The following MACROD2 variants were observed in gnomAD, a reference collection of about 807,000 sequenced individuals.
MACROD2 encodes the protein mono-ADP ribosylhydrolase 2, also known as ADP-ribose glycohydrolase MACROD2.
Under a neutral mutation model 70.4 loss-of-function variants are expected in MACROD2, and 36 were observed. The ratio of observed to expected loss-of-function variants is 0.51; its 90% confidence interval spans 0.39 to 0.68. MACROD2 has a LOEUF of 0.68. Ranked by LOEUF, MACROD2 falls within the 30% of genes least tolerant of loss-of-function variation. MACROD2 has a pLI of 0.00. For missense variants in MACROD2, 496 were observed against 538.4 expected (o/e 0.92, Z 0.78); for synonymous variants, 172 against 178.8 (o/e 0.96, Z 0.30).
rs73258849 is a variant in MACROD2, at chr20:15,163,460, T to G, written c.419-66480T>G. On this transcript the variant is annotated intron_variant, in intron 5 of 17. Transcript: ENST00000684519. ...GATTTAGAAATAGCATTCTCACTAATTAAGAGGTAAATCTAATACAACAAA... is the reference window on the plus strand; with the variant it reads ...GATTTAGAAATAGCATTCTCACTAAGTAAGAGGTAAATCTAATACAACAAA... Among the ~76,000 whole-genome samples the G allele has an allele frequency of 1.6e-3, 247 of 152,138 alleles. 1 individual carries two copies. The highest frequency in any genetic ancestry group is 5.6e-3 in the African/African-American group (233 of 41,580).
At chr20:15,621,071 G>A (rs1600677508) in intron 8 of MACROD2, among the ~76,000 whole-genome samples, 1 of 152,242 alleles carries the variant, frequency 6.6e-6, no homozygotes, top group Non-Finnish European at 1.5e-5. Context: ...TGGGTCACAG[G>A]CAGTTCCTGA....
At chr20:15,894,266 G>A (rs1177437310) in intron 10 of MACROD2, among the ~76,000 whole-genome samples, 1 of 152,192 alleles carries the variant, frequency 6.6e-6, no homozygotes, top group Non-Finnish European at 1.5e-5. Context: ...AGAACCAATC[G>A]AGAAGCCAAA....
intron 5 of MACROD2, among the ~76,000 whole-genome samples, chr20:15,084,127 G>A (rs536429048): frequency 4.1e-5 from 6 of 147,242 alleles, no homozygotes; most frequent in South Asian, 2.1e-4. Context: ...GTGCAGTGGC[G>A]CGATCTGGAC....
intron 8 of MACROD2, among the ~76,000 whole-genome samples, chr20:15,730,094 T>C (rs1057474882): frequency 6.6e-6 from 1 of 152,062 alleles, no homozygotes; most frequent in African/African-American, 2.4e-5. Context: ...TCCCAAAGTG[T>C]TGGGATTACA....
At chr20:15,497,314 A>T (rs1305283899) in intron 7 of MACROD2, among the ~76,000 whole-genome samples, 1 of 151,334 alleles carries the variant, frequency 6.6e-6, no homozygotes, top group Non-Finnish European at 1.5e-5. Flanking sequence ...TTTTTTTGAG[A>T]CAGAGTCTTG....
chr20:15,350,004 C>G (rs1422211448), intron 6 of MACROD2, among the ~76,000 whole-genome samples: 1 of 152,098 alleles, frequency 6.6e-6, no homozygotes, highest in Non-Finnish European at 1.5e-5. Flanking sequence ...AAAACTGGGA[C>G]CTCCTTGTCC....
intron 3 of MACROD2, among the ~76,000 whole-genome samples, chr20:14,097,319 A>G (rs2054241364): frequency 6.6e-6 from 1 of 152,206 alleles, no homozygotes. Flanking sequence ...TTTTACTTGT[A>G]CTGTGCCACA....
chr20:15,503,991 T>C (rs2047395554), intron 8 of MACROD2, among the ~76,000 whole-genome samples: 1 of 152,252 alleles, frequency 6.6e-6, no homozygotes, highest in Non-Finnish European at 1.5e-5. Context: ...TAATTGAGGC[T>C]GTCATATAAT....
chr20:15,202,053 A>G (rs970772850), intron 5 of MACROD2, among the ~76,000 whole-genome samples: 9 of 152,210 alleles, frequency 5.9e-5, no homozygotes, highest in Non-Finnish European at 1.0e-4. Flanking sequence ...GAACCTGAAT[A>G]TCACTCAAAG....
intron 7 of MACROD2, among the ~76,000 whole-genome samples, chr20:15,456,927 C>T (rs564461611): frequency 2.0e-4 from 31 of 152,082 alleles, no homozygotes; most frequent in African/African-American, 7.2e-4. Context: ...GTTTTATCTG[C>T]AGGCCTCACT....
intron 8 of MACROD2, among the ~76,000 whole-genome samples, chr20:15,652,672 G>A (rs2049663057): frequency 6.6e-6 from 1 of 151,694 alleles, no homozygotes; most frequent in Non-Finnish European, 1.5e-5. Flanking sequence ...AGTGCTAAAA[G>A]TGTGAATGCC....
intron 5 of MACROD2, among the ~76,000 whole-genome samples, chr20:15,144,118 A>G (rs2076213249): frequency 6.6e-6 from 1 of 152,092 alleles, no homozygotes; most frequent in South Asian, 2.1e-4. Context: ...AAATACTACA[A>G]TTCATGTATA....
chr20:14,742,754 C>G (rs1345832847), intron 5 of MACROD2, among the ~76,000 whole-genome samples: 1 of 150,300 alleles, frequency 6.7e-6, no homozygotes, highest in Non-Finnish European at 1.5e-5. Flanking sequence ...GTAATATAAA[C>G]TTTATTTTAT....
At chr20:15,083,324 GACAC>G (rs1249629025) in intron 5 of MACROD2, among the ~76,000 whole-genome samples, 2 of 152,122 alleles carry the variant, frequency 1.3e-5, no homozygotes. Flanking sequence ...TAACCAAGCA[GACAC>G]ACACCCTATT....
At chr20:14,497,070 T>TTTCTC (rs2084861351) in intron 4 of MACROD2, among the ~76,000 whole-genome samples, 1 of 151,700 alleles carries the variant, frequency 6.6e-6, no homozygotes, top group Non-Finnish European at 1.5e-5. Context: ...CTCTCCAGGT[T>TTTCTC]TGCTTTTCTA....
At chr20:14,123,620 C>T (rs938141598) in intron 3 of MACROD2, among the ~76,000 whole-genome samples, 1 of 152,132 alleles carries the variant, frequency 6.6e-6, no homozygotes, top group Non-Finnish European at 1.5e-5. Flanking sequence ...AAATAGTGGG[C>T]TTTAGAAAAT....
At chr20:14,981,835 G>C (rs1416330967) in intron 5 of MACROD2, among the ~76,000 whole-genome samples, 4 of 152,088 alleles carry the variant, frequency 2.6e-5, no homozygotes, top group Admixed American at 6.5e-5. Flanking sequence ...GACTAATGCA[G>C]TAAACTGGTA....
Position 15,006,789 on chromosome 20 carries a change from C to T in MACROD2, c.419-223151C>T, listed in dbSNP as rs143409007. Among the ~76,000 whole-genome samples the T allele has an allele frequency of 6.4e-4, 98 of 152,260 alleles. No individual in the cohort carries two copies. The Middle Eastern group carries it at 0.01, about 16-fold the overall frequency. On this transcript the variant is annotated intron_variant, in intron 5 of 17. Transcript: ENST00000684519. Reference sequence around the variant, plus strand: ...TACAATGTCTGCTGTTGGGTCACTGCACACTGCTCTCGGGCTGGCTGCCTA... The same window carrying T: ...TACAATGTCTGCTGTTGGGTCACTGTACACTGCTCTCGGGCTGGCTGCCTA...
intron 9 of MACROD2, among the ~76,000 whole-genome samples, chr20:15,866,852 T>G (rs1356234795): frequency 6.6e-6 from 1 of 152,206 alleles, no homozygotes; most frequent in Non-Finnish European, 1.5e-5. Context: ...TGCTATTACC[T>G]GCAGATGAGC....
Sources: gnomAD v4.1 joint callset for allele counts (sites outside exome capture counted in the v4.1 genomes callset) on GRCh38, gnomAD v4.1.1 for gene constraint, MANE v1.5 for transcripts, NCBI Gene and HGNC (gene_info 2026-07-23, HGNC 2026-07-21) for gene names.